The following DAP3 variants were observed in gnomAD, a reference collection of about 807,000 sequenced individuals.
DAP3 encodes the protein death associated protein 3.
A neutral mutation model predicts 51.9 loss-of-function variants in DAP3; 28 were observed. The observed-to-expected ratio is 0.54, with a 90% CI of 0.40 to 0.74. The LOEUF is 0.74. DAP3 is among the 30% of genes least tolerant of loss of function. The pLI is 0.00. For missense variants in DAP3, 458 were observed against 483.5 expected, an observed-to-expected ratio of 0.95 and a Z score of 0.49; for synonymous variants, 170 against 170.3, an observed-to-expected ratio of 1.00 and a Z score of 0.01.
intron 1 of DAP3, among the ~76,000 whole-genome samples, chr1:155,691,362 AC>A (rs1653802528): frequency 7.0e-6 from 1 of 142,276 alleles, no homozygotes; most frequent in Non-Finnish European, 1.5e-5. Flanking sequence ...TTGAAATCAT[AC>A]TATATGCAAC....
At chr1:155,735,586 GAA>G (rs796080474) in intron 11 of DAP3, among the ~76,000 whole-genome samples, 1 of 136,676 alleles carries the variant, frequency 7.3e-6, no homozygotes. Context: ...TCAAGAAAAT[GAA>G]AAAAAAAAAA....
upstream of DAP3, chr1:155,688,113 A>G: frequency 6.2e-7 from 1 of 1,610,706 alleles, no homozygotes; most frequent in Admixed American, 1.7e-5. Context: ...GGAAGTGAGG[A>G]AGAGGGGGTG....
chr1:155,702,959 A>G (rs941729404), intron 1 of DAP3, among the ~76,000 whole-genome samples: 3 of 151,974 alleles, frequency 2.0e-5, no homozygotes, highest in Admixed American at 1.3e-4. Context: ...ACAGAGTGAG[A>G]CTCCGTTTCA....
chr1:155,715,432 G>A (rs866633013), intron 2 of DAP3, among the ~76,000 whole-genome samples: 18 of 151,996 alleles, frequency 1.2e-4, no homozygotes, highest in African/African-American at 4.1e-4. Context: ...TGAGATGGGA[G>A]CATGGCTTGG....
chr1:155,696,322 T>G (rs1654504676), intron 1 of DAP3, among the ~76,000 whole-genome samples: 1 of 152,138 alleles, frequency 6.6e-6, no homozygotes, highest in African/African-American at 2.4e-5. Flanking sequence ...ATTCATGGCC[T>G]TGGGTGTTAA....
chr1:155,735,878 T>C (rs2149208487), intron 11 of DAP3, among the ~76,000 whole-genome samples: 1 of 142,666 alleles, frequency 7.0e-6, no homozygotes, highest in African/African-American at 2.7e-5. Context: ...AGTCTTGCTC[T>C]GTCACCAGGC....
chr1:155,721,036 CAAAA>C (rs377633231), intron 3 of DAP3, among the ~76,000 whole-genome samples: 1 of 132,562 alleles, frequency 7.5e-6, no homozygotes, highest in Non-Finnish European at 1.6e-5. Context: ...GACTCTGTCT[CAAAA>C]AAAAAAGAAG....
intron 1 of DAP3, among the ~76,000 whole-genome samples, chr1:155,701,881 G>A (rs919101126): frequency 7.3e-5 from 11 of 150,320 alleles, no homozygotes; most frequent in African/African-American, 2.5e-4. Flanking sequence ...TAATTAAATC[G>A]GGAAATAAGT....
rs1654049441 is a variant in DAP3, at chr1:155,693,002, C to T, written c.-8+3828C>T. Among the ~76,000 whole-genome samples, 6 of 141,528 alleles carry T rather than the reference C, an allele frequency of 4.2e-5. No homozygotes were observed. The South Asian group carries it at 1.2e-3, about 29-fold the overall frequency. The allele number at this position is 141,528 out of a possible 152,430, so 92.8% of individuals were successfully genotyped here. ...ACAGTAGCTGTGACTGCAATAAGGC[C>T]CATAATGACTGCTATAAGGGTAAAA... is the stretch of plus-strand genomic sequence containing the variant. On this transcript the variant is annotated intron_variant, in intron 1 of 12. Transcript: ENST00000368336.
intron 1 of DAP3, among the ~76,000 whole-genome samples, chr1:155,697,794 A>G (rs1654721997): frequency 6.6e-6 from 1 of 152,196 alleles, no homozygotes. Flanking sequence ...AGAATTCGCC[A>G]GGCTGGAATT....
At chr1:155,731,560 C>A in intron 10 of DAP3, 145 bp downstream of exon 10, 1 of 757,532 alleles carries the variant, frequency 1.3e-6, no homozygotes, top group South Asian at 1.9e-5. Flanking sequence ...TGTATCTGTA[C>A]CAAGTTAGAA....
intron 11 of DAP3, among the ~76,000 whole-genome samples, chr1:155,734,579 G>A (rs1659572023): frequency 6.6e-6 from 1 of 152,120 alleles, no homozygotes; most frequent in South Asian, 2.1e-4. Flanking sequence ...TTTCTCCAAA[G>A]AGCATTGGCT....
chr1:155,699,382 C>T (rs2149119537), intron 1 of DAP3, among the ~76,000 whole-genome samples: 1 of 152,238 alleles, frequency 6.6e-6, no homozygotes. Context: ...GATAAGAGAG[C>T]AGGTTGTGCT....
chr1:155,717,081 C>G lies in DAP3; in HGVS notation c.121C>G (p.Pro41Ala), dbSNP rs1317435523. Residue 41 changes from proline to alanine, a missense_variant, in exon 3 of 13, where the codon CCA becomes GCA. Transcript: ENST00000368336. ...TGCTGCTCACCTAGATAACCAGGTT[C>G]CAGTTGAGAGTCCGAGAGCTATTTC... ...SIAAHLDNQV[P>A]VESPRAISRT... 2 of 1,614,074 alleles carry G rather than the reference C, an allele frequency of 1.2e-6. No individual in the cohort carries two copies. Among genetic ancestry groups the G allele is most frequent in the Admixed American group, 3.3e-5 (2 of 59,984 alleles).
intron 1 of DAP3, among the ~76,000 whole-genome samples, chr1:155,702,125 A>T (rs1239559494): frequency 6.7e-6 from 1 of 150,212 alleles, no homozygotes; most frequent in African/African-American, 2.5e-5. Flanking sequence ...AAAAAAATTA[A>T]AAATTAAAAA....
At chr1:155,722,203 C>T (rs770459287) in intron 4 of DAP3, among the ~76,000 whole-genome samples, 2 of 151,930 alleles carry the variant, frequency 1.3e-5, no homozygotes, top group Non-Finnish European at 2.9e-5. Flanking sequence ...CCCAGGAGTT[C>T]GAGACCAGTC....
intron 1 of DAP3, among the ~76,000 whole-genome samples, chr1:155,697,574 G>A (rs920127277): frequency 6.6e-6 from 1 of 152,106 alleles, no homozygotes; most frequent in Non-Finnish European, 1.5e-5. Flanking sequence ...CAAAAGGGGA[G>A]GGGTGTACGA....
In DAP3 at chr1:155,731,350, A is replaced by G; in HGVS notation, c.844-6A>G. ...GATCTCTTCTCTCTTTCTGTCCGATATGCAGATTGCCCCCGAGGAATTAGC... is the reference window on the plus strand; with the variant it reads ...GATCTCTTCTCTCTTTCTGTCCGATGTGCAGATTGCCCCCGAGGAATTAGC... On this transcript the variant is annotated splice_region_variant and splice_polypyrimidine_tract_variant and intron_variant, in intron 9 of 12. Transcript: ENST00000368336. The G allele has an allele frequency of 6.2e-7, 1 of 1,613,914 alleles. No homozygotes were observed. The highest frequency in any genetic ancestry group is 8.5e-7 in the Non-Finnish European group (1 of 1,179,850).
At chr1:155,695,292 C>T (rs1654366775) in intron 1 of DAP3, among the ~76,000 whole-genome samples, 1 of 152,178 alleles carries the variant, frequency 6.6e-6, no homozygotes, top group East Asian at 1.9e-4. Flanking sequence ...ATGTGGGTGA[C>T]GTCCATTTGC....
Sources: gnomAD v4.1 joint callset for allele counts (sites outside exome capture counted in the v4.1 genomes callset) on GRCh38, gnomAD v4.1.1 for gene constraint, MANE v1.5 for transcripts, NCBI Gene and HGNC (gene_info 2026-07-23, HGNC 2026-07-21) for gene names.